TNN: variants seen among roughly 807,000 people sequenced by gnomAD.
The protein encoded by TNN is tenascin N, also known as tenascin-N.
A neutral mutation model predicts 134.4 loss-of-function variants in TNN; 122 were observed. The observed-to-expected ratio is 0.91, with a 90% CI of 0.78 to 1.06. The LOEUF is 1.06. TNN is among the 50% of genes least tolerant of loss of function. The pLI, the probability that TNN is intolerant of heterozygous loss-of-function variation, is 0.00. For synonymous variants in TNN, 710 were observed against 670.3 expected, an observed-to-expected ratio of 1.06 and a Z score of -0.91; for missense variants, 1,739 against 1,699.4, an observed-to-expected ratio of 1.02 and a Z score of -0.41.
At position 175,077,830 on chromosome 1, in the gene TNN, G is replaced by T; in HGVS notation, c.409+3G>T. 6.2e-7 allele frequency: 1 copy of T among 1,607,678 alleles called. No individual in the cohort carries two copies. On this transcript the variant is annotated splice_donor_region_variant and intron_variant, in intron 2 of 18. Coordinates refer to ENST00000239462, the MANE Select transcript of TNN (RefSeq NM_022093.2). ...GCGCTGCTGCCAGGGAGTCACTGGTGAGCTCACCACCTGGTATTCATTCAA... is the reference window on the plus strand; with the variant it reads ...GCGCTGCTGCCAGGGAGTCACTGGTTAGCTCACCACCTGGTATTCATTCAA...
At chr1:175,076,795 G>A (rs906749005) in intron 1 of TNN, among the ~76,000 whole-genome samples, 1 of 152,102 alleles carries the variant, frequency 6.6e-6, no homozygotes, top group Non-Finnish European at 1.5e-5. Flanking sequence ...AGATTGCCTG[G>A]GTTCAAATCC....
chr1:175,087,029 G>C (rs1894687), intron 6 of TNN, among the ~76,000 whole-genome samples: 83,434 of 152,072 alleles, frequency 0.55, 23,486 homozygotes, highest in African/African-American at 0.69. Context: ...AGATTGCCCA[G>C]CCAGGAAAGG....
chr1:175,073,206 G>C (rs1235221630), intron 1 of TNN, among the ~76,000 whole-genome samples: 2 of 152,122 alleles, frequency 1.3e-5, no homozygotes, highest in African/African-American at 4.8e-5. Context: ...TGGACACTGT[G>C]CATCTGGGAT....
intron 17 of TNN, among the ~76,000 whole-genome samples, chr1:175,137,318 T>G (rs560473048): frequency 3.2e-4 from 48 of 152,120 alleles, no homozygotes; most frequent in Non-Finnish European, 5.7e-4. Context: ...TTGTCAGTCT[T>G]TCATTCGGCT....
chr1:175,085,742 C>T (rs951666021), intron 6 of TNN, among the ~76,000 whole-genome samples: 9 of 152,002 alleles, frequency 5.9e-5, no homozygotes, highest in Admixed American at 2.0e-4. Context: ...GGCGTGGTGG[C>T]GCATGCCTGT....
At chr1:175,132,153 A>T (rs1458228512) in intron 15 of TNN, among the ~76,000 whole-genome samples, 15 of 152,182 alleles carry the variant, frequency 9.9e-5, no homozygotes, top group Admixed American at 9.8e-4. Context: ...TCCTTGGTAC[A>T]ACAAGAGTCC....
At chr1:175,144,064 G>A (rs1428482326) in intron 17 of TNN, among the ~76,000 whole-genome samples, 1 of 152,148 alleles carries the variant, frequency 6.6e-6, no homozygotes, top group Non-Finnish European at 1.5e-5. Context: ...GGAGAGTGGT[G>A]CTCTTGTGTG....
At chr1:175,125,681 CCTTT>C (rs1419697823) in intron 12 of TNN, among the ~76,000 whole-genome samples, 7 of 76,032 alleles carry the variant, frequency 9.2e-5, no homozygotes, top group Non-Finnish European at 5.5e-5. Context: ...CTCCCTCCCT[CCTTT>C]CTTTCTCTCT....
intron 18 of TNN, among the ~76,000 whole-genome samples, chr1:175,145,310 T>C (rs544040929): frequency 4.6e-5 from 7 of 151,992 alleles, no homozygotes; most frequent in African/African-American, 1.7e-4. Context: ...CCCAGCACTC[T>C]GGGAGGCTGA....
At position 175,083,830 on chromosome 1, in the gene TNN, G is replaced by A; in HGVS notation, c.1129G>A (p.Glu377Lys). 1 of 1,614,224 alleles carries A rather than the reference G, an allele frequency of 6.2e-7. No homozygotes were observed. Among genetic ancestry groups the A allele is most frequent in the Middle Eastern group, 1.6e-4 (1 of 6,062 alleles). The stretch of plus-strand genomic sequence containing the variant: ...CGTGGAGTGGGAAAACCCCTCAACT[G>A]AGGTGGACTACTACAAGCTGCGATA... ...LDVEWENPST[E>K]VDYYKLRYGP... is the part of the protein sequence containing the mutation. The change falls in exon 5 of 19, where the codon GAG becomes AAG. Residue 377 changes from glutamate (E) to lysine (K), a missense_variant. Glu to Lys is a moderately conservative substitution (Grantham distance 56). Transcript: ENST00000239462.
chr1:175,091,950 G>A (rs61385128), intron 6 of TNN, among the ~76,000 whole-genome samples: 4,721 of 152,242 alleles, frequency 0.031, 245 homozygotes, highest in African/African-American at 0.11. Context: ...GGCCTCTGCT[G>A]TGGGTCCTGG....
At chr1:175,071,166 A>G (rs1475957429) in intron 1 of TNN, among the ~76,000 whole-genome samples, 1 of 152,246 alleles carries the variant, frequency 6.6e-6, no homozygotes, top group East Asian at 1.9e-4. Flanking sequence ...GCAGGATGAG[A>G]TAATAAGGGA....
intron 9 of TNN, among the ~76,000 whole-genome samples, chr1:175,111,204 G>GT (rs1320647883): frequency 6.6e-6 from 1 of 152,210 alleles, no homozygotes. Flanking sequence ...TGTAATCCCA[G>GT]TTACTTGGGA....
At position 175,135,878 on chromosome 1, in the gene TNN, T is replaced by A. The variant is rs142732120; in HGVS notation, c.3364T>A (p.Phe1122Ile). Residue 1122 changes from phenylalanine (F) to isoleucine (I), a missense_variant, in exon 16 of 19, where the codon TTC becomes ATC. Coordinates refer to ENST00000239462, the MANE Select transcript of TNN (RefSeq NM_022093.2). ...FQRRNTGQLD[F>I]FKRWRSYVEG... ...GAGGCGGAACACTGGGCAGCTGGAT[T>A]TCTTCAAGCGATGGAGGAGCTATGT... The A allele has an allele frequency of 6.2e-7, 1 of 1,613,824 alleles. No individual in the cohort carries two copies. Among genetic ancestry groups the A allele is most frequent in the African/African-American group, 1.3e-5 (1 of 74,916 alleles).
At chr1:175,129,663 G>A (rs1320884291) in intron 15 of TNN, among the ~76,000 whole-genome samples, 1 of 151,802 alleles carries the variant, frequency 6.6e-6, no homozygotes, top group Non-Finnish European at 1.5e-5. Context: ...TTACAGATAG[G>A]GACAGTGAGT....
intron 6 of TNN, among the ~76,000 whole-genome samples, chr1:175,092,876 T>C (rs1674485002): frequency 6.6e-6 from 1 of 152,156 alleles, no homozygotes; most frequent in Non-Finnish European, 1.5e-5. Flanking sequence ...CTTTGAAAGC[T>C]CCAAAGCCAG....
chr1:175,136,027 C>A, intron 16 of TNN, 86 bp downstream of exon 16: 3 of 970,488 alleles, frequency 3.1e-6, no homozygotes, highest in Non-Finnish European at 5.0e-6. Context: ...GGAAGCTCAC[C>A]ACCTTCACAG....
At chr1:175,075,497 T>C (rs1036202914) in intron 1 of TNN, among the ~76,000 whole-genome samples, 1 of 152,160 alleles carries the variant, frequency 6.6e-6, no homozygotes, top group Non-Finnish European at 1.5e-5. Context: ...GGTTTCACCA[T>C]GTTGGCCAGA....
intron 1 of TNN, among the ~76,000 whole-genome samples, chr1:175,071,250 C>A (rs961885789): frequency 1.3e-5 from 2 of 152,068 alleles, no homozygotes; most frequent in African/African-American, 4.8e-5. Context: ...TCTTCTTTGG[C>A]GTAAGTAGTA....
Sources: gnomAD v4.1 joint callset for allele counts (sites outside exome capture counted in the v4.1 genomes callset) on GRCh38, gnomAD v4.1.1 for gene constraint, MANE v1.5 for transcripts, NCBI Gene and HGNC (gene_info 2026-07-23, HGNC 2026-07-21) for gene names.